PREX1: variants seen among roughly 807,000 people sequenced by gnomAD.
The protein encoded by PREX1 is phosphatidylinositol-3,4,5-trisphosphate dependent Rac exchange factor 1.
A neutral mutation model predicts 198.3 loss-of-function variants in PREX1; 41 were observed. That is an observed-to-expected ratio of 0.21 (90% CI 0.16 to 0.27). PREX1 has a LOEUF of 0.27. Ranked by LOEUF, PREX1 falls within the 10% of genes least tolerant of loss-of-function variation. PREX1 has a pLI of 1.00. For missense variants in PREX1, 1,620 were observed against 2,200.7 expected (o/e 0.74, Z 5.28); for synonymous variants, 843 against 887.2 (o/e 0.95, Z 0.89).
chr20:48,627,336 G>A lies in PREX1; in HGVS notation c.4937+212C>T, dbSNP rs76039345. ...GGATCTCATAGAGTCACCGCCTCAC[G>A]GCACACCTGGGGGCTCATCTTCCCG... On this transcript the variant is annotated intron_variant, in intron 39 of 39. Transcript: ENST00000371941. Among the ~76,000 whole-genome samples, 786 of 151,922 alleles carry A rather than the reference G, an allele frequency of 5.2e-3. 1 individual carries two copies. Among genetic ancestry groups the A allele is most frequent in the Non-Finnish European group, 7.5e-3 (506 of 67,910 alleles).
At chr20:48,657,503 G>A (rs554656754) in intron 17 of PREX1, among the ~76,000 whole-genome samples, 3 of 152,218 alleles carry the variant, frequency 2.0e-5, no homozygotes, top group Non-Finnish European at 4.4e-5. Context: ...TGTCTGTTAG[G>A]GCCTGGCGAA....
intron 39 of PREX1, among the ~76,000 whole-genome samples, chr20:48,626,914 A>G (rs1601022854): frequency 6.6e-6 from 1 of 152,236 alleles, no homozygotes; most frequent in East Asian, 1.9e-4. Flanking sequence ...AAACAACGTC[A>G]TGATCCTAAA....
At chr20:48,667,199 G>A (rs1203232621) in intron 14 of PREX1, among the ~76,000 whole-genome samples, 1 of 152,222 alleles carries the variant, frequency 6.6e-6, no homozygotes, top group Admixed American at 6.5e-5. Flanking sequence ...GACACAGAGA[G>A]TGTGGTCCCC....
At chr20:48,829,752 G>A, upstream of PREX1, among the ~76,000 whole-genome samples, 1 of 152,146 alleles carries the variant, frequency 6.6e-6, no homozygotes, top group South Asian at 2.1e-4. Flanking sequence ...CTACCACGAG[G>A]GGAGAACATG....
chr20:48,692,805 G>C lies in PREX1; in HGVS notation c.918-15C>G, dbSNP rs2089826238. 2 of 1,597,334 alleles carry C rather than the reference G, an allele frequency of 1.3e-6. No homozygotes were observed. Among genetic ancestry groups the C allele is most frequent in the Admixed American group, 1.7e-5 (1 of 59,976 alleles). On this transcript the variant is annotated splice_polypyrimidine_tract_variant and intron_variant, in intron 7 of 39. Transcript: ENST00000371941. ...TCCCGGTGACCCTGATAGACAGTGA[G>C]AAGTCAGTGTCCCCTACACGTCACC...
intron 19 of PREX1, among the ~76,000 whole-genome samples, chr20:48,654,937 G>C (rs2089530932): frequency 6.6e-6 from 1 of 152,228 alleles, no homozygotes; most frequent in South Asian, 2.1e-4. Context: ...ATTTGCATTG[G>C]TGGCTTCTCT....
the PREX1 span, among the ~76,000 whole-genome samples, chr20:48,869,374 T>C: frequency 6.7e-4 from 101 of 151,866 alleles, 2 homozygotes; most frequent in South Asian, 0.015. Flanking sequence ...TTATGGCTCA[T>C]TGCAGTCTCA....
At chr20:48,750,787 C>T (rs2090130815) in intron 1 of PREX1, among the ~76,000 whole-genome samples, 1 of 152,160 alleles carries the variant, frequency 6.6e-6, no homozygotes, top group African/African-American at 2.4e-5. Flanking sequence ...AGGGAAAGGC[C>T]AGGATAAGCA....
chr20:48,625,671 A>C lies in PREX1; in HGVS notation c.*214T>G, dbSNP rs2089265577. On this transcript the variant is annotated 3_prime_UTR_variant, in exon 40 of 40. Transcript: ENST00000371941. ...CCTCCAGCTTCTGGCAGGCGTGTGA[A>C]GAATGGGCCGGCCCAGGGCCAATCA... is the stretch of plus-strand genomic sequence containing the variant. 3.5e-6 allele frequency: 2 copies of C among 566,558 alleles called. No homozygotes were observed. Among genetic ancestry groups the C allele is most frequent in the Admixed American group, 4.0e-5 (1 of 24,876 alleles). The allele number at this position is 566,558 out of a possible 1,614,324, so 35.1% of individuals were successfully genotyped here. A position where few individuals can be genotyped will look rare whatever the true frequency, so the allele number is the denominator to read the frequency against.
chr20:48,642,330 GC>G, intron 28 of PREX1, 72 bp from the exon 29 acceptor site: 2 of 1,604,208 alleles, frequency 1.2e-6, no homozygotes, highest in Non-Finnish European at 1.7e-6. Flanking sequence ...GGGACCCACA[GC>G]CCCCGGGTCA....
At chr20:48,765,210 C>T (rs919189403) in intron 1 of PREX1, among the ~76,000 whole-genome samples, 3 of 152,210 alleles carry the variant, frequency 2.0e-5, no homozygotes, top group African/African-American at 7.2e-5. Context: ...ATCATACAGT[C>T]TAGCTATACA....
At chr20:48,699,741 C>T (rs1002764150) in intron 7 of PREX1, among the ~76,000 whole-genome samples, 1 of 152,212 alleles carries the variant, frequency 6.6e-6, no homozygotes. Flanking sequence ...TCTATCCATT[C>T]ACTCAACACA....
chr20:48,782,694 G>A (rs1257187338), intron 1 of PREX1, among the ~76,000 whole-genome samples: 1 of 152,134 alleles, frequency 6.6e-6, no homozygotes, highest in Non-Finnish European at 1.5e-5. Flanking sequence ...GACCAAGCCA[G>A]GGGCAGATCT....
the PREX1 span, among the ~76,000 whole-genome samples, chr20:48,857,059 G>A: frequency 1.3e-5 from 2 of 152,148 alleles, no homozygotes; most frequent in South Asian, 2.1e-4. Flanking sequence ...GGCTGGTCTC[G>A]AACTCCCAAC....
At chr20:48,665,456 G>A (rs180960474) in intron 15 of PREX1, among the ~76,000 whole-genome samples, 26 of 147,190 alleles carry the variant, frequency 1.8e-4, no homozygotes, top group African/African-American at 5.9e-4. Context: ...TCTAATCCTG[G>A]CTCCAGATGG....
rs371876778 is a variant in PREX1 at position 48,767,832 on chromosome 20, A to G, written c.220-19952T>C. Reference sequence around the variant, plus strand: ...CACAGGATGCTCAAATATCACCTCCACAGAGAGCCTCCCCTGACCATCCTG... The same window carrying G: ...CACAGGATGCTCAAATATCACCTCCGCAGAGAGCCTCCCCTGACCATCCTG... On this transcript the variant is annotated intron_variant, in intron 1 of 39. Coordinates refer to ENST00000371941, the MANE Select transcript of PREX1 (RefSeq NM_020820.4). Among the ~76,000 whole-genome samples, 6 of 151,826 alleles carry G rather than the reference A, an allele frequency of 4.0e-5. No homozygotes were observed. In the South Asian group the frequency reaches 1.2e-3, roughly 32 times the overall value.
chr20:48,726,596 T>C (rs1361464463), intron 4 of PREX1, among the ~76,000 whole-genome samples: 1 of 152,132 alleles, frequency 6.6e-6, no homozygotes, highest in African/African-American at 2.4e-5. Flanking sequence ...TTTTGGTAAG[T>C]TTTATTAGAA....
At chr20:48,700,037 C>A (rs4568007) in intron 7 of PREX1, among the ~76,000 whole-genome samples, 5 of 152,166 alleles carry the variant, frequency 3.3e-5, no homozygotes, top group Non-Finnish European at 7.4e-5. Context: ...CCACACAACC[C>A]GTCACCACAC....
chr20:48,821,175 C>G (rs1402780508), intron 1 of PREX1, among the ~76,000 whole-genome samples: 1 of 152,078 alleles, frequency 6.6e-6, no homozygotes, highest in Non-Finnish European at 1.5e-5. Context: ...GCACTCCAGA[C>G]TGGGCGACAG....
Sources: allele counts gnomAD v4.1 joint callset (sites outside exome capture counted in the v4.1 genomes callset), GRCh38; gene constraint gnomAD v4.1.1; transcripts MANE v1.5; gene names NCBI Gene and HGNC (gene_info 2026-07-23, HGNC 2026-07-21).